Variants in EDARADD observed in about 807,000 individuals in gnomAD.
The protein encoded by EDARADD is EDAR associated via death domain.
EDARADD carries 20 observed loss-of-function variants against 25.6 expected under a neutral mutation model. That is an observed-to-expected ratio of 0.78 (90% CI 0.55 to 1.14). The LOEUF is 1.14. Ranked by LOEUF, EDARADD falls within the 50% of genes most tolerant of loss-of-function variation. The probability of loss-of-function intolerance (pLI) is 0.00; values close to 1 mark genes in which losing one functional copy is unlikely to be tolerated. For synonymous variants in EDARADD, 86 were observed against 94.4 expected (o/e 0.91, Z 0.52); for missense variants, 225 against 270.1 (o/e 0.83, Z 1.17).
At chr1:236,412,735 T>C (rs1657528186) in intron 2 of EDARADD, among the ~76,000 whole-genome samples, 1 of 152,216 alleles carries the variant, frequency 6.6e-6, no homozygotes, top group Non-Finnish European at 1.5e-5. Flanking sequence ...TGCTCTGGCT[T>C]CTGTGTTCTT....
intron 3 of EDARADD, among the ~76,000 whole-genome samples, chr1:236,360,439 T>C (rs1312164807): frequency 6.6e-6 from 1 of 151,808 alleles, no homozygotes; most frequent in Non-Finnish European, 1.5e-5. Context: ...CTGGCCTGGA[T>C]AAATTATTAC....
At chr1:236,374,220 T>C (rs1389015510) in intron 3 of EDARADD, among the ~76,000 whole-genome samples, 1 of 152,112 alleles carries the variant, frequency 6.6e-6, no homozygotes, top group Non-Finnish European at 1.5e-5. Flanking sequence ...GTTCTGTTCC[T>C]ACTCATTTTC....
intron 1 of EDARADD, among the ~76,000 whole-genome samples, chr1:236,404,024 C>T (rs1667663057): frequency 6.6e-6 from 1 of 152,168 alleles, no homozygotes; most frequent in Non-Finnish European, 1.5e-5. Flanking sequence ...AAAGCACAGC[C>T]TGGCATAAGA....
upstream of EDARADD, among the ~76,000 whole-genome samples, chr1:236,392,828 C>A (rs1667443419): frequency 1.3e-5 from 2 of 152,106 alleles, no homozygotes; most frequent in Admixed American, 1.3e-4. Flanking sequence ...TGTCACCACG[C>A]CCAGCTAATT....
At chr1:236,379,594 C>T (rs2102995683) in intron 3 of EDARADD, among the ~76,000 whole-genome samples, 1 of 152,090 alleles carries the variant, frequency 6.6e-6, no homozygotes, top group South Asian at 2.1e-4. Flanking sequence ...GCCTGGCCAA[C>T]ACGGCGAAAC....
At chr1:236,401,140 C>A (rs1208916711) in intron 1 of EDARADD, among the ~76,000 whole-genome samples, 3 of 151,644 alleles carry the variant, frequency 2.0e-5, no homozygotes, top group Non-Finnish European at 2.9e-5. Context: ...GAGCTGAGAT[C>A]ACACTGCTGC....
chr1:236,390,813 C>T (rs1349508641), upstream of EDARADD, among the ~76,000 whole-genome samples: 1 of 152,142 alleles, frequency 6.6e-6, no homozygotes, highest in African/African-American at 2.4e-5. Context: ...TCCTGGCTTC[C>T]TGTTGTCTAA....
intron 4 of EDARADD, among the ~76,000 whole-genome samples, chr1:236,456,339 A>T (rs184749478): frequency 1.0e-3 from 159 of 152,278 alleles, no homozygotes; most frequent in African/African-American, 3.8e-3. Flanking sequence ...TAGTAAGGGG[A>T]TGGAGGGTCC....
At position 236,484,378 on chromosome 1, in the gene EDARADD, C is replaced by A. The variant is rs962023505; in HGVS notation, c.*1729C>A. The A allele has an allele frequency of 4.4e-6, 7 of 1,593,922 alleles. No homozygotes were observed. In the African/African-American group the frequency reaches 6.7e-5, roughly 15 times the overall value. ...GCCCCTTGCTGATCTGAGCGCTTGG[C>A]CAAGTACAACCAGCTCCTCAGAATT... On this transcript the variant is annotated 3_prime_UTR_variant, in exon 6 of 6. Coordinates refer to ENST00000334232, the MANE Select transcript of EDARADD (RefSeq NM_145861.4). This position sits in a 1 kb window ranked among gnomAD's most constrained non-coding sequence, Gnocchi z 4.1.
rs1208510401 is a variant in EDARADD at position 236,431,793 on chromosome 1, C to T, written c.219+4343C>T. Reference sequence around the variant, plus strand: ...AAAATTAGCCGGGCGCGGTGGCGGGCGCCTGTAGTCCCAGCTACTCGGGAG... The same window carrying T: ...AAAATTAGCCGGGCGCGGTGGCGGGTGCCTGTAGTCCCAGCTACTCGGGAG... On this transcript the variant is annotated intron_variant, in intron 4 of 5. Transcript: ENST00000334232. 1.5e-4 allele frequency among the ~76,000 whole-genome samples: 16 copies of T among 103,756 alleles called. 4 individuals are homozygous for T. Among genetic ancestry groups the T allele is most frequent in the African/African-American group, 3.6e-4 (13 of 36,342 alleles). 68.1% of individuals were successfully genotyped at this position (103,756 alleles called of 152,430 possible).
At position 236,469,614 on chromosome 1, in the gene EDARADD, G is replaced by A. The variant is rs537807568; in HGVS notation, c.265+1338G>A. Among the ~76,000 whole-genome samples, 148 of 152,208 alleles carry A rather than the reference G, an allele frequency of 9.7e-4. 1 individual carries two copies. Among genetic ancestry groups the A allele is most frequent in the South Asian group, 3.7e-3 (18 of 4,822 alleles). On this transcript the variant is annotated intron_variant, in intron 5 of 5. Coordinates refer to ENST00000334232, the MANE Select transcript of EDARADD (RefSeq NM_145861.4). ...CTTTCTTAAGCAGGGTGGGGAACCC[G>A]TAGAGCCCTCAGGGGCAGCTATCAT...
chr1:236,356,390 C>T (rs536194506), intron 3 of EDARADD, among the ~76,000 whole-genome samples: 2 of 152,210 alleles, frequency 1.3e-5, no homozygotes, highest in African/African-American at 4.8e-5. Context: ...TTTTCTGGAG[C>T]AATTATGTTT....
At chr1:236,470,224 G>GTA (rs774759379) in intron 5 of EDARADD, among the ~76,000 whole-genome samples, 4 of 152,200 alleles carry the variant, frequency 2.6e-5, no homozygotes, top group Non-Finnish European at 5.9e-5. Flanking sequence ...ATGTTGGTAA[G>GTA]TATACCTTGC....
intron 3 of EDARADD, among the ~76,000 whole-genome samples, chr1:236,414,970 C>T (rs1657598428): frequency 6.6e-6 from 1 of 152,226 alleles, no homozygotes; most frequent in Admixed American, 6.5e-5. Flanking sequence ...CATCTCATGG[C>T]TCTGTCTTCT....
intron 3 of EDARADD, among the ~76,000 whole-genome samples, chr1:236,375,955 G>C (rs1327175885): frequency 3.4e-5 from 2 of 59,444 alleles, no homozygotes; most frequent in African/African-American, 1.3e-4. Context: ...TTTTTTTTTT[G>C]AGACAGAGTC....
intron 2 of EDARADD, among the ~76,000 whole-genome samples, chr1:236,413,636 C>T (rs895500680): frequency 6.6e-5 from 10 of 152,078 alleles, no homozygotes; most frequent in African/African-American, 1.7e-4. Context: ...CTTTAGATAT[C>T]GGCATGTAAG....
chr1:236,454,283 T>C (rs1389612238), intron 4 of EDARADD, among the ~76,000 whole-genome samples: 6 of 152,136 alleles, frequency 3.9e-5, no homozygotes, highest in South Asian at 4.1e-4. Flanking sequence ...CTCCTGACCT[T>C]GTGATCTGCC....
At chr1:236,413,815 C>T (rs983092682) in intron 2 of EDARADD, among the ~76,000 whole-genome samples, 5 of 152,248 alleles carry the variant, frequency 3.3e-5, no homozygotes, top group Non-Finnish European at 5.9e-5. Flanking sequence ...TTTGAATCAT[C>T]CTGTCTCAGT....
chr1:236,454,023 A>C (rs16833701), intron 4 of EDARADD, among the ~76,000 whole-genome samples: 8,091 of 151,722 alleles, frequency 0.053, 275 homozygotes, highest in East Asian at 0.13. Context: ...CCAAGGATGC[A>C]GAGTTTGTAT....
Sources: allele counts gnomAD v4.1 joint callset (sites outside exome capture counted in the v4.1 genomes callset), GRCh38; gene constraint gnomAD v4.1.1; non-coding constraint Gnocchi (gnomAD v3.1); transcripts MANE v1.5; gene names NCBI Gene and HGNC (gene_info 2026-07-23, HGNC 2026-07-21).